Variants in ALLC observed in about 807,000 individuals in gnomAD.
ALLC encodes allantoicase, also known as probable inactive allantoicase.
In ALLC, 40 loss-of-function variants were observed where a neutral mutation model predicts 45.0. The ratio of observed to expected loss-of-function variants is 0.89; its 90% confidence interval spans 0.69 to 1.16. ALLC has a LOEUF of 1.16. Among genes scored for constraint, ALLC ranks in the 50% most tolerant of loss-of-function variants. The pLI is 0.00. For synonymous variants in ALLC, 176 were observed against 178.1 expected (o/e 0.99, Z 0.09); for missense variants, 488 against 493.1 (o/e 0.99, Z 0.10).
rs1342047645 is a variant in ALLC at position 3,680,235 on chromosome 2, T to C, written c.298+241T>C. Among the ~76,000 whole-genome samples, 1 of 152,194 alleles carries C rather than the reference T, an allele frequency of 6.6e-6. No individual in the cohort carries two copies. Among genetic ancestry groups the C allele is most frequent in the Non-Finnish European group, 1.5e-5 (1 of 68,030 alleles). ...ATAGATTTTATCATTCCCACGGTCC[T>C]TCAGCTTCACGCAGAGGCAGGCCAT... On this transcript the variant is annotated intron_variant, in intron 5 of 11. Coordinates refer to ENST00000252505, the MANE Select transcript of ALLC (RefSeq NM_018436.4). This position sits in a 1 kb window ranked among gnomAD's most constrained non-coding sequence, Gnocchi z 4.0.
chr2:3,649,893 T>TCCTCATCAGTGTTAC, the ALLC span, among the ~76,000 whole-genome samples: 1 of 152,274 alleles, frequency 6.6e-6, no homozygotes, highest in African/African-American at 2.4e-5. Flanking sequence ...TTCAGTGTTT[T>TCCTCATCAGTGTTAC]TCCTCATCAG....
In ALLC at chr2:3,689,935, ACAGTGTCTTG is replaced by A. The variant is rs1160543326; in HGVS notation, c.512-5781_512-5772del. ...TCATAATTGACCCATTTATCATTATACAGTGTCTTGTCTTTTTTTTTTTTTAACAGTCTTT... is the reference window on the plus strand; with the variant it reads ...TCATAATTGACCCATTTATCATTATATCTTTTTTTTTTTTTAACAGTCTTT... On this transcript the variant is annotated intron_variant, in intron 7 of 11. Transcript: ENST00000252505. Among the ~76,000 whole-genome samples, 3 of 138,888 alleles carry A rather than the reference ACAGTGTCTTG, an allele frequency of 2.2e-5. No homozygotes were observed. In the East Asian group the frequency reaches 6.4e-4, roughly 30 times the overall value. 91.1% of individuals were successfully genotyped at this position (138,888 alleles called of 152,430 possible).
chr2:3,654,965 C>T (rs925878294), upstream of ALLC, among the ~76,000 whole-genome samples: 1 of 152,252 alleles, frequency 6.6e-6, no homozygotes, highest in African/African-American at 2.4e-5. Context: ...TCCGTGACCT[C>T]CCTGTGTCTG....
At chr2:3,650,949 C>G in the ALLC span, among the ~76,000 whole-genome samples, 1 of 152,316 alleles carries the variant, frequency 6.6e-6, no homozygotes, top group African/African-American at 2.4e-5. Flanking sequence ...GATTTTATTC[C>G]CATAACTTCC....
At chr2:3,655,528 T>A (rs1456457805), upstream of ALLC, among the ~76,000 whole-genome samples, 1 of 152,212 alleles carries the variant, frequency 6.6e-6, no homozygotes, top group Non-Finnish European at 1.5e-5. Context: ...CGATCACAGC[T>A]CATTGTAGCC....
intron 1 of ALLC, among the ~76,000 whole-genome samples, chr2:3,668,997 G>A (rs976388036): frequency 2.6e-5 from 4 of 152,088 alleles, no homozygotes; most frequent in African/African-American, 9.7e-5. Flanking sequence ...CGCCCATCTC[G>A]CTTCACCTTT....
chr2:3,659,802 C>T (rs534274352), intron 1 of ALLC, among the ~76,000 whole-genome samples: 2 of 152,334 alleles, frequency 1.3e-5, no homozygotes, highest in Admixed American at 6.5e-5. Flanking sequence ...CTCCACGGGG[C>T]CCTGCACAGC....
the ALLC span, among the ~76,000 whole-genome samples, chr2:3,650,125 C>A: frequency 1.3e-4 from 20 of 152,212 alleles, no homozygotes; most frequent in Non-Finnish European, 2.5e-4. Context: ...AAGAGCCGTT[C>A]GGCACTGGCT....
chr2:3,701,436 A>T, intron 10 of ALLC, 76 bp from the exon 11 acceptor site: 1 of 1,434,402 alleles, frequency 7.0e-7, no homozygotes, highest in Non-Finnish European at 9.3e-7. Flanking sequence ...TGATCTTATT[A>T]AAAAAGCATG....
rs1280696338 is a variant in ALLC at position 3,682,598 on chromosome 2, T to A, written c.379-344T>A. ...TGGAGTGCAGGGGCGCGATCTCGGC[T>A]CACTGCAAGCTCCGCCTCCCAGGTT... On this transcript the variant is annotated intron_variant, in intron 6 of 11. Coordinates refer to ENST00000252505, the MANE Select transcript of ALLC (RefSeq NM_018436.4). Among the ~76,000 whole-genome samples the A allele has an allele frequency of 3.3e-5, 5 of 152,338 alleles. No homozygotes were observed. In the East Asian group the frequency reaches 7.7e-4, roughly 24 times the overall value.
chr2:3,681,983 A>G (rs1667191949), intron 6 of ALLC, among the ~76,000 whole-genome samples: 1 of 152,140 alleles, frequency 6.6e-6, no homozygotes, highest in Non-Finnish European at 1.5e-5. Context: ...ACATACAGAA[A>G]CTGATAGTAA....
At chr2:3,659,495 T>C (rs1666517499) in intron 1 of ALLC, among the ~76,000 whole-genome samples, 1 of 152,158 alleles carries the variant, frequency 6.6e-6, no homozygotes, top group South Asian at 2.1e-4. Flanking sequence ...GCAGAAAATG[T>C]ATTTAAGAGC....
intron 7 of ALLC, among the ~76,000 whole-genome samples, chr2:3,692,076 T>C (rs1667531683): frequency 6.6e-6 from 1 of 152,206 alleles, no homozygotes; most frequent in African/African-American, 2.4e-5. Context: ...GATCACAGAG[T>C]TCATATATCA....
At position 3,702,387 on chromosome 2, in the gene ALLC, T is replaced by C. The variant is rs1387041182; in HGVS notation, c.1000T>C (p.Phe334Leu). Reference protein sequence around the residue: ...TKLSPNQSHLFDSLTLELQDV... With the variant: ...TKLSPNQSHLLDSLTLELQDV... ...GTTGTCTCCCAACCAAAGTCATCTG[T>C]TCGATAGCCTGACCCTAGAGCTCCA... Residue 334 changes from phenylalanine (F) to leucine (L), a missense_variant, in exon 12 of 12, where the codon TTC (phenylalanine) becomes CTC (leucine). Transcript: ENST00000252505. 4 of 1,613,308 alleles carry C rather than the reference T, an allele frequency of 2.5e-6. No homozygotes were observed. Among genetic ancestry groups the C allele is most frequent in the Non-Finnish European group, 3.4e-6 (4 of 1,179,828 alleles).
chr2:3,655,487 A>G (rs988689869), upstream of ALLC, among the ~76,000 whole-genome samples: 1 of 152,082 alleles, frequency 6.6e-6, no homozygotes, highest in African/African-American at 2.4e-5. Flanking sequence ...ATAGGGTCTC[A>G]CTCTATTGCC....
chr2:3,695,643 A>G, intron 7 of ALLC, 74 bp from the exon 8 acceptor site: 1 of 1,557,512 alleles, frequency 6.4e-7, no homozygotes, highest in Non-Finnish European at 8.8e-7. Flanking sequence ...TGGAGAAGAC[A>G]GGAGGGTCCT....
the ALLC span, among the ~76,000 whole-genome samples, chr2:3,651,867 C>G: frequency 1.3e-5 from 2 of 152,150 alleles, no homozygotes. Context: ...TCGCGCTCTG[C>G]CCACGCCGTA....
chr2:3,701,420 G>C (rs985079350), intron 10 of ALLC, 92 bp from the exon 11 acceptor site: 2 of 1,393,594 alleles, frequency 1.4e-6, no homozygotes, highest in African/African-American at 1.5e-5. Flanking sequence ...TTTTTTGCTG[G>C]GTTTTTGATC....
intron 1 of ALLC, among the ~76,000 whole-genome samples, chr2:3,661,509 AG>A (rs1666575424): frequency 6.6e-6 from 1 of 152,164 alleles, no homozygotes; most frequent in Non-Finnish European, 1.5e-5. Flanking sequence ...TGGAGGGAAA[AG>A]AATGAGTATT....
Sources: allele counts gnomAD v4.1 joint callset (sites outside exome capture counted in the v4.1 genomes callset), GRCh38; gene constraint gnomAD v4.1.1; non-coding constraint Gnocchi (gnomAD v3.1); transcripts MANE v1.5; gene names NCBI Gene and HGNC (gene_info 2026-07-23, HGNC 2026-07-21).